Variants in RAP1GAP2 observed in about 807,000 individuals in gnomAD.
RAP1GAP2 encodes the protein RAP1 GTPase activating protein 2.
In RAP1GAP2, 27 loss-of-function variants were observed where a neutral mutation model predicts 95.0. The ratio of observed to expected loss-of-function variants is 0.28; its 90% CI spans 0.21 to 0.39. The LOEUF (loss-of-function observed/expected upper bound fraction) is 0.39. Ranked by LOEUF, RAP1GAP2 falls within the 10% of genes least tolerant of loss-of-function variation. The pLI is 1.00. For missense variants in RAP1GAP2, 771 were observed against 970.0 expected (o/e 0.79, Z 2.72); for synonymous variants, 373 against 380.9 (o/e 0.98, Z 0.24).
intron 19 of RAP1GAP2, among the ~76,000 whole-genome samples, chr17:3,022,216 C>T (rs1249119986): frequency 2.6e-5 from 4 of 152,222 alleles, no homozygotes; most frequent in African/African-American, 4.8e-5. Flanking sequence ...TTGTGGTTCC[C>T]GTGGTGGGGG....
intron 17 of RAP1GAP2, among the ~76,000 whole-genome samples, chr17:3,013,564 C>T (rs1567896263): frequency 6.6e-6 from 1 of 151,898 alleles, no homozygotes; most frequent in African/African-American, 2.4e-5. Flanking sequence ...GGCGGCTGCA[C>T]CAGGACTAAT....
chr17:2,945,163 C>G (rs1026758615), intron 3 of RAP1GAP2, among the ~76,000 whole-genome samples: 23 of 152,314 alleles, frequency 1.5e-4, no homozygotes, highest in African/African-American at 3.8e-4. Flanking sequence ...GCGTGAGCCA[C>G]CGTGCCCAGC....
intron 3 of RAP1GAP2, among the ~76,000 whole-genome samples, chr17:2,949,087 G>A (rs1187156841): frequency 2.0e-5 from 3 of 152,222 alleles, no homozygotes; most frequent in African/African-American, 2.4e-5. Context: ...TGTATCGGGA[G>A]GTGGTGGGGA....
chr17:2,905,249 C>G (rs1289475943), intron 2 of RAP1GAP2, 35 bp from the exon 3 acceptor site: 2 of 1,590,086 alleles, frequency 1.3e-6, no homozygotes, highest in African/African-American at 1.3e-5. Flanking sequence ...AAGGCGCAGG[C>G]AGGTCCTCAC....
intron 8 of RAP1GAP2, among the ~76,000 whole-genome samples, chr17:2,967,449 CTA>C (rs2044665509): frequency 6.6e-6 from 1 of 152,172 alleles, no homozygotes; most frequent in Admixed American, 6.5e-5. Flanking sequence ...AGTTGGAGAT[CTA>C]GAAGAATCCT....
At chr17:2,786,734 C>G (rs1262766915) in intron 1 of RAP1GAP2, among the ~76,000 whole-genome samples, 1 of 151,686 alleles carries the variant, frequency 6.6e-6, no homozygotes, top group Non-Finnish European at 1.5e-5. Flanking sequence ...CACCCTCTGC[C>G]TCCCGGATTC....
At chr17:2,917,093 C>T (rs923322592) in intron 3 of RAP1GAP2, among the ~76,000 whole-genome samples, 15 of 152,180 alleles carry the variant, frequency 9.9e-5, no homozygotes, top group African/African-American at 3.4e-4. Context: ...TCTTTCTTTC[C>T]TTTGGATTGG....
In RAP1GAP2 at chr17:2,905,331, C is replaced by G; in HGVS notation, c.128C>G (p.Pro43Arg). 2 of 1,613,754 alleles carry G rather than the reference C, an allele frequency of 1.2e-6. No individual in the cohort carries two copies. The highest frequency in any genetic ancestry group is 1.1e-5 in the South Asian group (1 of 91,074). Residue 43 changes from proline to arginine, a missense_variant, in exon 3 of 25, where the codon CCG becomes CGG. Coordinates refer to ENST00000254695, the MANE Select transcript of RAP1GAP2 (RefSeq NM_015085.5). ...TCGGATGCGACCCTCCCAGACCGGC[C>G]GCTCTCCCCTCCTCTCACGGCACCT... ...NSSDATLPDR[P>R]LSPPLTAPPT...
intron 1 of RAP1GAP2, among the ~76,000 whole-genome samples, chr17:2,769,502 C>G (rs2068347922): frequency 6.6e-6 from 1 of 151,340 alleles, no homozygotes; most frequent in East Asian, 1.9e-4. Flanking sequence ...TTGCAGTGAG[C>G]CGAGATCGCG....
In RAP1GAP2 at chr17:2,943,084, T is replaced by C. The variant is rs1444071660; in HGVS notation, c.166-14675T>C. On this transcript the variant is annotated intron_variant, in intron 3 of 24. Coordinates refer to ENST00000254695, the MANE Select transcript of RAP1GAP2 (RefSeq NM_015085.5). ...ACACCTGACCTAGTTCCAAAATATT[T>C]GATCATCCCCAAATAAAACCCCTTT... is the stretch of plus-strand genomic sequence containing the variant. 3.9e-5 allele frequency among the ~76,000 whole-genome samples: 6 copies of C among 152,166 alleles called. No individual in the cohort carries two copies. The East Asian group carries it at 1.2e-3, about 29-fold the overall frequency.
intron 2 of RAP1GAP2, among the ~76,000 whole-genome samples, chr17:2,896,106 A>C: frequency 6.6e-6 from 1 of 151,550 alleles, no homozygotes; most frequent in African/African-American, 2.4e-5. Flanking sequence ...GGAGAACCAG[A>C]CCTCTCCTCC....
intron 3 of RAP1GAP2, among the ~76,000 whole-genome samples, chr17:2,953,374 A>C (rs1432850043): frequency 6.6e-6 from 1 of 152,040 alleles, no homozygotes; most frequent in East Asian, 1.9e-4. Flanking sequence ...TGTTTTTATA[A>C]AATTGAGATT....
chr17:3,023,098 C>T (rs530583534), intron 19 of RAP1GAP2, among the ~76,000 whole-genome samples: 1 of 152,290 alleles, frequency 6.6e-6, no homozygotes, highest in East Asian at 1.9e-4. Context: ...CCTTGCATCC[C>T]TGGAACAAAT....
At position 2,903,087 on chromosome 17, in the gene RAP1GAP2, G is replaced by A. The variant is rs940566387; in HGVS notation, c.81-2197G>A. Among the ~76,000 whole-genome samples, 11 of 152,154 alleles carry A rather than the reference G, an allele frequency of 7.2e-5. No homozygotes were observed. Among genetic ancestry groups the A allele is most frequent in the African/African-American group, 2.7e-4 (11 of 41,450 alleles). ...GCCATCTCCAGAGGCCCTCTGCTAA[G>A]CCCAGAGTCGCCCTATAGCATCTGG... is the stretch of plus-strand genomic sequence containing the variant. On this transcript the variant is annotated intron_variant, in intron 2 of 24. Transcript: ENST00000254695. The surrounding 1 kb of genome is among the most constrained non-coding windows in gnomAD (Gnocchi z 4.1).
intron 3 of RAP1GAP2, among the ~76,000 whole-genome samples, chr17:2,922,711 A>G (rs2042822725): frequency 6.6e-6 from 1 of 151,996 alleles, no homozygotes; most frequent in Admixed American, 6.6e-5. Context: ...CTTCATAAAC[A>G]CTTAGTAGTT....
At position 2,857,648 on chromosome 17, in the gene RAP1GAP2, A is replaced by G. The variant is rs1015049186; in HGVS notation, c.81-47636A>G. Among the ~76,000 whole-genome samples, 1 of 152,134 alleles carries G rather than the reference A, an allele frequency of 6.6e-6. No individual in the cohort carries two copies. Among genetic ancestry groups the G allele is most frequent in the African/African-American group, 2.4e-5 (1 of 41,410 alleles). ...GGTTTGAGTATGGCTCCCAGGAGAC[A>G]CCTGGATGAAGCCTTCCTCAGAGAC... is the stretch of plus-strand genomic sequence containing the variant. On this transcript the variant is annotated intron_variant, in intron 2 of 24. Coordinates refer to ENST00000254695, the MANE Select transcript of RAP1GAP2 (RefSeq NM_015085.5). This position sits in a 1 kb window ranked among gnomAD's most constrained non-coding sequence, Gnocchi z 4.0.
chr17:2,868,905 A>T (rs912094500), intron 2 of RAP1GAP2, among the ~76,000 whole-genome samples: 1 of 152,142 alleles, frequency 6.6e-6, no homozygotes, highest in Non-Finnish European at 1.5e-5. Flanking sequence ...TTAAACCAAC[A>T]TTTACTTCTC....
At chr17:2,889,556 G>A (rs962481392) in intron 2 of RAP1GAP2, among the ~76,000 whole-genome samples, 1 of 152,122 alleles carries the variant, frequency 6.6e-6, no homozygotes, top group African/African-American at 2.4e-5. Context: ...TACTGCAGGG[G>A]CCATGGCCAG....
chr17:2,864,811 C>T (rs1246613038), intron 2 of RAP1GAP2, among the ~76,000 whole-genome samples: 2 of 152,186 alleles, frequency 1.3e-5, no homozygotes, highest in Non-Finnish European at 2.9e-5. Flanking sequence ...AGTATTCCTC[C>T]TCCCTCCCCC....
Sources: gnomAD v4.1 joint callset for allele counts (sites outside exome capture counted in the v4.1 genomes callset) on GRCh38, gnomAD v4.1.1 for gene constraint, Gnocchi (gnomAD v3.1) non-coding constraint, MANE v1.5 for transcripts, NCBI Gene and HGNC (gene_info 2026-07-23, HGNC 2026-07-21) for gene names.